SEM1: variants seen among roughly 807,000 people sequenced by gnomAD.
SEM1 encodes 26S proteasome complex subunit SEM1.
Under a neutral mutation model 12.7 loss-of-function variants are expected in SEM1, and 3 were observed. The ratio of observed to expected loss-of-function variants is 0.24; its 90% CI spans 0.11 to 0.61. The LOEUF (loss-of-function observed/expected upper bound fraction) is 0.61. SEM1 is among the 20% of genes least tolerant of loss of function. The pLI is 0.88. For missense variants in SEM1, 59 were observed against 81.3 expected, an observed-to-expected ratio of 0.73 and a Z score of 1.06; for synonymous variants, 30 against 27.8, an observed-to-expected ratio of 1.08 and a Z score of -0.25.
exon 2 of SEM1, chr7:96,486,360 C>G (rs555670482): frequency 6.5e-7 from 1 of 1,537,050 alleles, no homozygotes; most frequent in South Asian, 1.2e-5. Flanking sequence ...CTTTTTATGC[C>G]ATGCTTTCTT....
chr7:96,553,218 T>C (rs1805353637), intron 2 of SEM1, among the ~76,000 whole-genome samples: 1 of 150,098 alleles, frequency 6.7e-6, no homozygotes, highest in South Asian at 2.1e-4. Context: ...ATTTGTCAAT[T>C]TTGTCTTTTG....
chr7:96,692,978 T>C (rs936858676), intron 2 of SEM1, among the ~76,000 whole-genome samples: 5 of 151,916 alleles, frequency 3.3e-5, no homozygotes, highest in Admixed American at 6.6e-5. Context: ...TGAAAAACTG[T>C]AGAAGTATCA....
chr7:96,700,511 AAT>A (rs1447080472), intron 1 of SEM1, among the ~76,000 whole-genome samples: 3 of 152,266 alleles, frequency 2.0e-5, no homozygotes, highest in Admixed American at 1.3e-4. Context: ...ATATCCTGTG[AAT>A]ATCGTACTTC....
intron 2 of SEM1, among the ~76,000 whole-genome samples, chr7:96,581,671 TGAA>T (rs1164497565): frequency 2.6e-5 from 4 of 152,196 alleles, no homozygotes. Flanking sequence ...TAGTTCTCCT[TGAA>T]GAGGTCTTTC....
At chr7:96,552,503 C>A (rs1178365402) in intron 2 of SEM1, among the ~76,000 whole-genome samples, 1 of 150,178 alleles carries the variant, frequency 6.7e-6, no homozygotes, top group Non-Finnish European at 1.5e-5. Flanking sequence ...ATCCATGTCC[C>A]TACAAAGGAT....
chr7:96,639,953 C>T (rs541332144), intron 2 of SEM1, among the ~76,000 whole-genome samples: 1 of 152,014 alleles, frequency 6.6e-6, no homozygotes, highest in African/African-American at 2.4e-5. Flanking sequence ...GGGAAATAAG[C>T]ATACGAAAAG....
chr7:96,486,001 C>A (rs1198274183), intron 2 of SEM1, among the ~76,000 whole-genome samples: 2 of 152,092 alleles, frequency 1.3e-5, no homozygotes, highest in Admixed American at 6.6e-5. Flanking sequence ...ATGTGATAAG[C>A]TGTATAACAC....
intron 2 of SEM1, among the ~76,000 whole-genome samples, chr7:96,579,602 C>T (rs1806318343): frequency 6.6e-6 from 1 of 152,140 alleles, no homozygotes; most frequent in Non-Finnish European, 1.5e-5. Flanking sequence ...GATGTCAAAA[C>T]CCTGCCTCCA....
chr7:96,669,274 C>G (rs1395042300), downstream of SEM1, among the ~76,000 whole-genome samples: 1 of 152,114 alleles, frequency 6.6e-6, no homozygotes, highest in Admixed American at 6.6e-5. Context: ...TTTCTGTAAG[C>G]TTTTCCTGTA....
intron 2 of SEM1, among the ~76,000 whole-genome samples, chr7:96,679,451 A>G (rs1789540508): frequency 6.6e-6 from 1 of 152,086 alleles, no homozygotes; most frequent in African/African-American, 2.4e-5. Context: ...CCTAACATAG[A>G]CAAAAGCACA....
intron 2 of SEM1, among the ~76,000 whole-genome samples, chr7:96,631,492 TGAGG>T (rs1469177278): frequency 6.7e-6 from 1 of 149,702 alleles, no homozygotes; most frequent in Non-Finnish European, 1.5e-5. Flanking sequence ...TGTCACAGGA[TGAGG>T]GAGGGGTGGT....
At chr7:96,602,657 T>C (rs563067286) in intron 2 of SEM1, among the ~76,000 whole-genome samples, 11 of 152,318 alleles carry the variant, frequency 7.2e-5, no homozygotes, top group African/African-American at 2.6e-4. Context: ...ATTTGGGAAA[T>C]TCAGCCAGCA....
intron 2 of SEM1, among the ~76,000 whole-genome samples, chr7:96,588,771 G>A (rs1342803837): frequency 1.3e-5 from 2 of 151,900 alleles, no homozygotes; most frequent in Admixed American, 6.6e-5. Flanking sequence ...GTCTCAAAAA[G>A]TAATAGTAAA....
At chr7:96,616,401 G>GT (rs1310302016) in intron 2 of SEM1, among the ~76,000 whole-genome samples, 3 of 151,258 alleles carry the variant, frequency 2.0e-5, no homozygotes, top group South Asian at 2.1e-4. Flanking sequence ...TTCAGTGTTT[G>GT]TTTTTTTGAT....
chr7:96,648,293 A>G (rs1225577040), intron 2 of SEM1, among the ~76,000 whole-genome samples: 3 of 152,214 alleles, frequency 2.0e-5, no homozygotes, highest in Non-Finnish European at 4.4e-5. Flanking sequence ...AGTTCTGGAC[A>G]TAGAAAGAAA....
At chr7:96,620,492 G>T (rs138244297), downstream of SEM1, among the ~76,000 whole-genome samples, 867 of 152,294 alleles carry the variant, frequency 5.7e-3, 3 homozygotes, top group Middle Eastern at 0.014. Context: ...CAGTCTTTAG[G>T]CATCTCTGTG....
chr7:96,561,535 G>A (rs2115916508), intron 2 of SEM1, among the ~76,000 whole-genome samples: 1 of 152,336 alleles, frequency 6.6e-6, no homozygotes, highest in South Asian at 2.1e-4. Flanking sequence ...TCTCACTGTA[G>A]TCACTTTGGC....
chr7:96,547,229 C>A (rs998845564), intron 2 of SEM1, among the ~76,000 whole-genome samples: 1 of 152,086 alleles, frequency 6.6e-6, no homozygotes, highest in African/African-American at 2.4e-5. Context: ...GTTGATGTTT[C>A]CTTCATTGAT....
intron 2 of SEM1, among the ~76,000 whole-genome samples, chr7:96,564,094 C>T (rs1429187420): frequency 6.6e-6 from 1 of 151,986 alleles, no homozygotes; most frequent in African/African-American, 2.4e-5. Flanking sequence ...GGCTGAATGT[C>T]TTTTCTTGAA....
Sources: gnomAD v4.1 joint callset for allele counts (sites outside exome capture counted in the v4.1 genomes callset) on GRCh38, gnomAD v4.1.1 for gene constraint, MANE v1.5 for transcripts, NCBI Gene and HGNC (gene_info 2026-07-23, HGNC 2026-07-21) for gene names.